Variants in SYT9 observed in about 807,000 individuals in gnomAD.
The protein encoded by SYT9 is synaptotagmin-9.
A neutral mutation model predicts 48.4 loss-of-function variants in SYT9; 22 were observed. That is an observed-to-expected ratio of 0.45 (90% CI 0.32 to 0.65). The LOEUF is 0.65. SYT9 is among the 30% of genes least tolerant of loss of function. SYT9 has a pLI of 0.03. For synonymous variants in SYT9, 265 were observed against 245.0 expected (o/e 1.08, Z -0.76); for missense variants, 577 against 622.0 (o/e 0.93, Z 0.77).
intron 3 of SYT9, among the ~76,000 whole-genome samples, chr11:7,329,371 C>T (rs897844746): frequency 3.3e-5 from 5 of 152,092 alleles, no homozygotes; most frequent in African/African-American, 1.2e-4. Flanking sequence ...GAAGCTTTGA[C>T]TCTTAAAACT....
chr11:7,398,472 T>C (rs981677540), intron 3 of SYT9, among the ~76,000 whole-genome samples: 3 of 151,028 alleles, frequency 2.0e-5, no homozygotes, highest in Non-Finnish European at 1.5e-5. Context: ...TGCAGTGGCA[T>C]GATCTCGGCT....
upstream of SYT9, chr11:7,251,829 C>T: frequency 5.2e-6 from 1 of 191,374 alleles, no homozygotes; most frequent in Non-Finnish European, 1.1e-5. Flanking sequence ...GCTATCCTAC[C>T]CTGCGGCGCG....
chr11:7,330,785 C>T (rs1035694163), intron 3 of SYT9, among the ~76,000 whole-genome samples: 1 of 152,224 alleles, frequency 6.6e-6, no homozygotes, highest in South Asian at 2.1e-4. Context: ...CAACCTTTGC[C>T]TCCCGGGTTC....
rs1420508203 is a variant in SYT9, at chr11:7,300,118, CT to C, written c.146-2908del. Among the ~76,000 whole-genome samples, 1,393 of 145,436 alleles carry C rather than the reference CT, an allele frequency of 9.6e-3. 11 individuals carry two copies. Among genetic ancestry groups the C allele is most frequent in the African/African-American group, 0.026 (1,024 of 39,950 alleles). On this transcript the variant is annotated intron_variant, in intron 1 of 6. Transcript: ENST00000318881. Reference sequence around the variant, plus strand: ...TAAATTATATGATCACACAAATTACCTTTTTTTTTTTTTCTGTGCCAACATC... The same window carrying C: ...TAAATTATATGATCACACAAATTACCTTTTTTTTTTTTCTGTGCCAACATC...
intron 3 of SYT9, among the ~76,000 whole-genome samples, chr11:7,406,529 A>G (rs1422923093): frequency 1.1e-5 from 1 of 89,748 alleles, no homozygotes; most frequent in Non-Finnish European, 2.2e-5. Context: ...ATAATGTTCA[A>G]TTGCGCATAT....
At chr11:7,312,088 T>C (rs1015471667) in intron 2 of SYT9, among the ~76,000 whole-genome samples, 1 of 152,210 alleles carries the variant, frequency 6.6e-6, no homozygotes, top group Non-Finnish European at 1.5e-5. Flanking sequence ...TGCTATGGAC[T>C]GTGTTAGATG....
chr11:7,363,417 A>G (rs1243127572), intron 3 of SYT9, among the ~76,000 whole-genome samples: 3 of 152,210 alleles, frequency 2.0e-5, no homozygotes, highest in East Asian at 3.8e-4. Flanking sequence ...CCAGAAATGA[A>G]ACATATTTAG....
At chr11:7,465,940 C>G (rs1274872125) in intron 6 of SYT9, 1 of 152,642 alleles carries the variant, frequency 6.6e-6, no homozygotes. Flanking sequence ...GATTCAATTA[C>G]CTCCCCTGCC....
At chr11:7,265,170 T>G (rs1337792848) in intron 1 of SYT9, among the ~76,000 whole-genome samples, 1 of 152,132 alleles carries the variant, frequency 6.6e-6, no homozygotes, top group Non-Finnish European at 1.5e-5. Flanking sequence ...AAGATGTGCT[T>G]ATAACTTATT....
intron 6 of SYT9, chr11:7,440,871 G>A (rs977441229): frequency 6.6e-6 from 1 of 152,198 alleles, no homozygotes; most frequent in Non-Finnish European, 1.5e-5. Flanking sequence ...TTTAAAAACT[G>A]ATACCAGGAG....
At chr11:7,448,512 TG>T (rs528279955) in intron 6 of SYT9, among the ~76,000 whole-genome samples, 70 of 152,354 alleles carry the variant, frequency 4.6e-4, no homozygotes, top group South Asian at 4.6e-3. Context: ...GCATCTGCTG[TG>T]AGTGTGCCGC....
chr11:7,450,600 C>T (rs1158119508), intron 6 of SYT9, among the ~76,000 whole-genome samples: 1 of 152,228 alleles, frequency 6.6e-6, no homozygotes, highest in Non-Finnish European at 1.5e-5. Context: ...TTTAAACTCA[C>T]AGTGTTCCTC....
chr11:7,464,691 G>A (rs11041402), intron 6 of SYT9, among the ~76,000 whole-genome samples: 5,694 of 152,210 alleles, frequency 0.037, 117 homozygotes, highest in East Asian at 0.073. Context: ...CTGATGGGAA[G>A]GAACTCAGGA....
intron 3 of SYT9, among the ~76,000 whole-genome samples, chr11:7,399,493 T>G (rs905777799): frequency 6.6e-6 from 1 of 152,168 alleles, no homozygotes; most frequent in Non-Finnish European, 1.5e-5. Flanking sequence ...TGCAGAAACT[T>G]AAGAAAATAC....
At chr11:7,260,482 C>G (rs887989023) in intron 1 of SYT9, among the ~76,000 whole-genome samples, 1 of 152,152 alleles carries the variant, frequency 6.6e-6, no homozygotes, top group East Asian at 1.9e-4. Context: ...AAACAATGGT[C>G]AAATCAGATC....
intron 3 of SYT9, among the ~76,000 whole-genome samples, chr11:7,400,328 T>G (rs1846863434): frequency 6.6e-6 from 1 of 152,190 alleles, no homozygotes. Flanking sequence ...TTTGAAGTAT[T>G]CCATATGTCA....
chr11:7,369,802 C>CACACAT lies in SYT9; in HGVS notation c.1045-46235_1045-46234insTACACA, dbSNP rs1336972136. On this transcript the variant is annotated intron_variant, in intron 3 of 6. Transcript: ENST00000318881. ...CCACACACACACACACAAACACACA[C>CACACAT]ACACACACACACACACACACAAAGA... Among the ~76,000 whole-genome samples, 923 of 143,654 alleles carry CACACAT rather than the reference C, an allele frequency of 6.4e-3. 7 individuals carry two copies. Among genetic ancestry groups the CACACAT allele is most frequent in the African/African-American group, 0.026 (882 of 34,116 alleles). 94.2% of individuals were successfully genotyped at this position (143,654 alleles called of 152,430 possible). A position where few individuals can be genotyped will look rare whatever the true frequency, so the allele number is the denominator to read the frequency against.
Position 7,422,615 on chromosome 11 carries a change from G to A in SYT9, c.1467+1980G>A, listed in dbSNP as rs12799687. Among the ~76,000 whole-genome samples, 267 of 152,136 alleles carry A rather than the reference G, an allele frequency of 1.8e-3. 1 individual carries two copies. The highest frequency in any genetic ancestry group is 6.4e-3 in the African/African-American group (265 of 41,514). On this transcript the variant is annotated intron_variant, in intron 6 of 6. Transcript: ENST00000318881. The stretch of plus-strand genomic sequence containing the variant: ...GCCATTGCTGACTTTAATTCTTATT[G>A]GTAATTAGGAGTATCAGAGAGTGTT...
chr11:7,348,605 A>G (rs979691585), intron 3 of SYT9, among the ~76,000 whole-genome samples: 1 of 148,702 alleles, frequency 6.7e-6, no homozygotes, highest in Non-Finnish European at 1.5e-5. Flanking sequence ...AGCTTCATGA[A>G]CTGAGCACTC....
Sources: allele counts gnomAD v4.1 joint callset (sites outside exome capture counted in the v4.1 genomes callset), GRCh38; gene constraint gnomAD v4.1.1; transcripts MANE v1.5; gene names NCBI Gene and HGNC (gene_info 2026-07-23, HGNC 2026-07-21).